Variants in CNOT1 observed in about 807,000 individuals in gnomAD.
The protein encoded by CNOT1 is CCR4-NOT transcription complex subunit 1, also known as CCR4-associated factor 1.
CNOT1 carries 15 observed loss-of-function variants against 273.8 expected under a neutral mutation model. The observed-to-expected ratio is 0.05, with a 90% CI of 0.04 to 0.08. The LOEUF is 0.08. Ranked by LOEUF, CNOT1 falls within the 10% of genes least tolerant of loss-of-function variation. CNOT1 has a pLI of 1.00. For missense variants in CNOT1, 1,644 were observed against 2,912.2 expected (o/e 0.56, Z 10.02); for synonymous variants, 1,022 against 1,005.5 (o/e 1.02, Z -0.31).
chr16:58,528,629 A>G lies in CNOT1; in HGVS notation c.6299T>C (p.Leu2100Pro). 1 of 1,612,920 alleles carries G rather than the reference A, an allele frequency of 6.2e-7. No individual in the cohort carries two copies. Among genetic ancestry groups the G allele is most frequent in the Non-Finnish European group, 8.5e-7 (1 of 1,179,540 alleles). ...ILYKGTLRVL[L>P]VLLHDFPEFL... ...CTCTGGGAAATCATGCAAAAGAACC[A>G]GCAGCACTCTTAAAGTGCCCTATTT... Residue 2100 changes from leucine (L) to proline (P), a missense_variant, in exon 44 of 49, where the codon CTG (leucine) becomes CCG (proline). By Grantham distance (98) the Leu-to-Pro change is moderately conservative. Coordinates refer to ENST00000317147, the MANE Select transcript of CNOT1 (RefSeq NM_016284.5).
chr16:58,545,511 A>G lies in CNOT1; in HGVS notation c.4007-20T>C, dbSNP rs749377961. ...AAGTTGCTAAATGTCAAGTAATAAA[A>G]AGAGATTTAAAAAGTACATTTGTTG... On this transcript the variant is annotated intron_variant, in intron 29 of 48. Transcript: ENST00000317147. The G allele has an allele frequency of 2.5e-6, 4 of 1,612,800 alleles. No individual in the cohort carries two copies. In the African/African-American group the frequency reaches 4.0e-5, roughly 16 times the overall value.
intron 40 of CNOT1, 101 bp downstream of exon 40, chr16:58,534,046 G>A (rs972080824): frequency 8.5e-7 from 1 of 1,183,132 alleles, no homozygotes; most frequent in African/African-American, 1.6e-5. Flanking sequence ...GACAGAGTGA[G>A]ACTCTCTCAA....
chr16:58,587,471 A>AAG (rs1488512994), intron 4 of CNOT1, 58 bp from the exon 5 acceptor site: 2 of 1,605,774 alleles, frequency 1.2e-6, no homozygotes, highest in Non-Finnish European at 1.7e-6. Context: ...GAAGTTTTTA[A>AAG]CAACCTATCT....
intron 23 of CNOT1, 118 bp from the exon 24 acceptor site, chr16:58,551,390 A>G (rs1444987274): frequency 1.5e-5 from 19 of 1,240,414 alleles, no homozygotes; most frequent in Non-Finnish European, 2.1e-5. Flanking sequence ...TGTGTATTAG[A>G]AATGTAGGCA....
In CNOT1 at chr16:58,531,969, G is replaced by A; in HGVS notation, c.6166C>T (p.Pro2056Ser). The A allele has an allele frequency of 1.2e-6, 2 of 1,614,112 alleles. No individual in the cohort carries two copies. The highest frequency in any genetic ancestry group is 1.7e-6 in the Non-Finnish European group (2 of 1,180,020). The change falls in exon 42 of 49, where the codon CCA (proline) becomes TCA (serine). Residue 2056 changes from proline to serine, a missense_variant. Physicochemically the swap from Pro to Ser is moderately conservative, Grantham distance 74. Around this residue, in one of 13 missense-constraint regions of CNOT1, gnomAD observed 7 missense variants for 35.6 expected, o/e 0.20. Coordinates refer to ENST00000317147, the MANE Select transcript of CNOT1 (RefSeq NM_016284.5). ...IFIARMLAHT[P>S]QQKGWPMYAQ... ...AACTGCAGCCACACCTTCTGCTGTG[G>A]CGTATGTGCCAGCATTCTTGCAATA...
chr16:58,560,716 A>T (rs1287659141), intron 16 of CNOT1, among the ~76,000 whole-genome samples: 1 of 152,174 alleles, frequency 6.6e-6, no homozygotes, highest in East Asian at 1.9e-4. Flanking sequence ...CATGTCTACA[A>T]ATATTAAATA....
At position 58,585,415 on chromosome 16, in the gene CNOT1, G is replaced by A. The variant is rs755116711; in HGVS notation, c.729C>T (p.Ser243=). 9.3e-6 allele frequency: 15 copies of A among 1,613,754 alleles called. No homozygotes were observed. Among genetic ancestry groups the A allele is most frequent in the South Asian group, 2.2e-5 (2 of 91,074 alleles). ...DILMDRILPD[S]GGVAKTMMES... ...CCATCATGGTTTTAGCTACCCCTCC[G>A]GAATCAGGCAGGATCCTGTCCATTA... Residue 243 remains serine (S), a synonymous_variant, in exon 8 of 49, where the codon TCC becomes TCT. Transcript: ENST00000317147.
chr16:58,604,621 T>TAAAAAAAA (rs869046701), intron 1 of CNOT1, among the ~76,000 whole-genome samples: 1 of 120,854 alleles, frequency 8.3e-6, no homozygotes. Flanking sequence ...ATCTCTGCTA[T>TAAAAAAAA]AAAAAAAAAA....
chr16:58,539,713 T>C, intron 35 of CNOT1, 55 bp downstream of exon 35: 1 of 1,493,016 alleles, frequency 6.7e-7, no homozygotes, highest in Non-Finnish European at 9.1e-7. Context: ...GTGGTGCAGG[T>C]CAATAAATGT....
At chr16:58,581,556 G>A (rs1189868006) in intron 10 of CNOT1, 41 bp from the exon 11 acceptor site, 8 of 1,528,754 alleles carry the variant, frequency 5.2e-6, no homozygotes, top group Non-Finnish European at 7.0e-6. Flanking sequence ...ATGAATGTGT[G>A]TATATTTTGA....
At chr16:58,558,094 T>C (rs751044345) in intron 18 of CNOT1, among the ~76,000 whole-genome samples, 2 of 152,200 alleles carry the variant, frequency 1.3e-5, no homozygotes, top group African/African-American at 2.4e-5. Context: ...GCAGAACATA[T>C]GCCTGAACCT....
At chr16:58,619,905 T>C (rs1282477860) in intron 1 of CNOT1, among the ~76,000 whole-genome samples, 2 of 151,834 alleles carry the variant, frequency 1.3e-5, no homozygotes, top group Non-Finnish European at 2.9e-5. Context: ...AAGATGTAAA[T>C]AGTTTAACTC....
At chr16:58,538,936 C>G in intron 35 of CNOT1, 22 bp from the exon 36 acceptor site, 2 of 1,607,306 alleles carry the variant, frequency 1.2e-6, no homozygotes, top group South Asian at 1.1e-5. Context: ...AGAAAGCGTT[C>G]AAAACCATGA....
intron 39 of CNOT1, among the ~76,000 whole-genome samples, chr16:58,535,942 G>A (rs2039916616): frequency 6.6e-6 from 1 of 151,996 alleles, no homozygotes; most frequent in African/African-American, 2.4e-5. Flanking sequence ...CACTGTGTTA[G>A]CCAGGATGGT....
At chr16:58,577,845 C>CA (rs34127478) in intron 13 of CNOT1, among the ~76,000 whole-genome samples, 7,047 of 106,268 alleles carry the variant, frequency 0.066, 461 homozygotes, top group East Asian at 0.34. Flanking sequence ...TCCTCTCTCT[C>CA]AAAAAAAAAA....
At chr16:58,620,995 C>T (rs958469772) in intron 1 of CNOT1, among the ~76,000 whole-genome samples, 1 of 149,304 alleles carries the variant, frequency 6.7e-6, no homozygotes, top group African/African-American at 2.5e-5. Context: ...AGACAAGAGC[C>T]TGAAACTAGA....
chr16:58,618,264 T>C (rs1004407662), intron 1 of CNOT1, among the ~76,000 whole-genome samples: 1 of 151,876 alleles, frequency 6.6e-6, no homozygotes, highest in Non-Finnish European at 1.5e-5. Context: ...GTCGAGCTAC[T>C]TTGTCTCTAA....
rs1178433526 is a variant in CNOT1 at position 58,538,763 on chromosome 16, G to A, written c.5135+9C>T. 1.9e-6 allele frequency: 3 copies of A among 1,611,340 alleles called. No individual in the cohort carries two copies. The highest frequency in any genetic ancestry group is 1.7e-5 in the Admixed American group (1 of 59,932). On this transcript the variant is annotated intron_variant, in intron 36 of 48. Coordinates refer to ENST00000317147, the MANE Select transcript of CNOT1 (RefSeq NM_016284.5). ...CAATACTCACTACTTTTCGAAGATG[G>A]CTACTGACCTTGTGATCTGTTTGTT...
chr16:58,521,796 A>G (rs2039385663), intron 47 of CNOT1, among the ~76,000 whole-genome samples: 1 of 151,872 alleles, frequency 6.6e-6, no homozygotes, highest in Non-Finnish European at 1.5e-5. Context: ...TGCTACAAAT[A>G]TAAAAATTAG....
Sources: allele counts gnomAD v4.1 joint callset (sites outside exome capture counted in the v4.1 genomes callset), GRCh38; gene constraint gnomAD v4.1.1; regional missense constraint gnomAD v4.1.1; transcripts MANE v1.5; gene names NCBI Gene and HGNC (gene_info 2026-07-23, HGNC 2026-07-21).